COL1A2: variants seen among roughly 807,000 people sequenced by gnomAD.
COL1A2 encodes collagen type I alpha 2 chain, also known as collagen alpha-2(I) chain.
In COL1A2, 49 loss-of-function variants were observed where a neutral mutation model predicts 174.3. The observed-to-expected ratio is 0.28, with a 90% CI of 0.22 to 0.36. COL1A2 has a LOEUF of 0.36. COL1A2 is among the 10% of genes least tolerant of loss of function. The probability of loss-of-function intolerance (pLI) is 1.00; values close to 1 mark genes in which losing one functional copy is unlikely to be tolerated. For missense variants in COL1A2, 1,438 were observed against 1,822.7 expected, an observed-to-expected ratio of 0.79 and a Z score of 3.84; for synonymous variants, 655 against 606.6, an observed-to-expected ratio of 1.08 and a Z score of -1.17.
Position 94,427,443 on chromosome 7 carries a change from TG to T in COL1A2, c.3267+151del, listed in dbSNP as rs1792302348. ...ATATCTGGAAATTGTCTATATGCAA[TG>T]GGCTTGTTAAGTCCATCCCTGCAAG... On this transcript the variant is annotated intron_variant, in intron 48 of 51. Coordinates refer to ENST00000297268, the MANE Select transcript of COL1A2 (RefSeq NM_000089.4). The T allele has an allele frequency of 1.1e-5, 12 of 1,052,994 alleles. No individual in the cohort carries two copies. The South Asian group carries it at 1.5e-4, about 13-fold the overall frequency. 65.2% of individuals were successfully genotyped at this position (1,052,994 alleles called of 1,614,324 possible).
At chr7:94,425,338 T>A (rs532327618) in intron 42 of COL1A2, 114 bp downstream of exon 42, 1 of 1,036,484 alleles carries the variant, frequency 9.6e-7, no homozygotes. Context: ...ATGGTCAGCT[T>A]CTCCATAGTA....
chr7:94,409,957 A>T, intron 19 of COL1A2, 136 bp downstream of exon 19: 1 of 892,608 alleles, frequency 1.1e-6, no homozygotes, highest in East Asian at 2.6e-5. Context: ...TATATTTCTT[A>T]TATATATATG....
At chr7:94,424,118 C>A (rs1190422830) in intron 40 of COL1A2, 10 of 526,876 alleles carry the variant, frequency 1.9e-5, no homozygotes, top group Non-Finnish European at 3.4e-5. Context: ...AAATGTTGTG[C>A]CATTGGTCTC....
intron 50 of COL1A2, 88 bp downstream of exon 50, chr7:94,428,565 A>C (rs1792335407): frequency 1.1e-5 from 14 of 1,294,548 alleles, no homozygotes; most frequent in African/African-American, 1.5e-5. Flanking sequence ...ATCTCTGACA[A>C]AAATGGGCTT....
intron 46 of COL1A2, 153 bp downstream of exon 46, chr7:94,426,683 T>A: frequency 1.4e-6 from 1 of 726,860 alleles, no homozygotes; most frequent in Non-Finnish European, 2.5e-6. Flanking sequence ...TTGGAGGTAA[T>A]GCTATTTCAT....
intron 26 of COL1A2, 81 bp downstream of exon 26, chr7:94,413,217 C>G: frequency 7.4e-7 from 1 of 1,353,418 alleles, no homozygotes. Context: ...CATCTGATAT[C>G]ATTTTGTCAC....
rs998075801 is a variant in COL1A2, at chr7:94,421,895, T to C, written c.2350-4T>C. The C allele has an allele frequency of 6.2e-7, 1 of 1,614,054 alleles. No individual in the cohort carries two copies. Among genetic ancestry groups the C allele is most frequent in the African/African-American group, 1.3e-5 (1 of 75,052 alleles). ...TGTGGAATTCTAATGTGCTTGGCTC[T>C]TAGGGTATGACTGGTTTCCCTGGTG... On this transcript the variant is annotated splice_region_variant and splice_polypyrimidine_tract_variant and intron_variant, in intron 38 of 51. Coordinates refer to ENST00000297268, the MANE Select transcript of COL1A2 (RefSeq NM_000089.4).
intron 46 of COL1A2, 151 bp downstream of exon 46, chr7:94,426,681 A>G: frequency 1.4e-6 from 1 of 736,610 alleles, no homozygotes; most frequent in South Asian, 1.5e-5. Flanking sequence ...TCTTGGAGGT[A>G]ATGCTATTTC....
At chr7:94,430,177 C>A in intron 51 of COL1A2, 70 bp from the exon 52 acceptor site, 1 of 1,478,158 alleles carries the variant, frequency 6.8e-7, no homozygotes, top group South Asian at 1.1e-5. Context: ...CTTATTAAAT[C>A]AAAGGTTCAG....
intron 15 of COL1A2, 59 bp downstream of exon 15, chr7:94,408,439 T>C (rs1432478422): frequency 1.3e-6 from 2 of 1,537,026 alleles, no homozygotes; most frequent in African/African-American, 2.7e-5. Context: ...GGTGCTGTCT[T>C]CTTCATTAAT....
At chr7:94,412,177 A>C in intron 24 of COL1A2, 56 bp downstream of exon 24, 3 of 1,467,552 alleles carry the variant, frequency 2.0e-6, no homozygotes, top group Non-Finnish European at 2.8e-6. Context: ...CACCCTTATC[A>C]AGTCTATTTT....
Position 94,420,628 on chromosome 7 carries a change from G to T in COL1A2, c.2275G>T (p.Val759Phe). 1 of 1,603,504 alleles carries T rather than the reference G, an allele frequency of 6.2e-7. No individual in the cohort carries two copies. Among genetic ancestry groups the T allele is most frequent in the Non-Finnish European group, 8.5e-7 (1 of 1,174,668 alleles). Residue 759 changes from valine (V) to phenylalanine (F), a missense_variant, in exon 37 of 52, where the codon GTT becomes TTT. Physicochemically the swap from Val to Phe is conservative, Grantham distance 50 (BLOSUM62 -1). Coordinates refer to ENST00000297268, the MANE Select transcript of COL1A2 (RefSeq NM_000089.4). ...CGGTGTTGTTGGTCCCACAGGCCCC[G>T]TTGGAGCTGCTGGCCCAGCTGTAAG... ...ENGVVGPTGP[V>F]GAAGPAGPNG... is the part of the protein sequence containing the mutation.
chr7:94,419,643 T>C (rs1399644409), intron 34 of COL1A2, 92 bp downstream of exon 34: 11 of 1,378,508 alleles, frequency 8.0e-6, no homozygotes, highest in Non-Finnish European at 1.0e-5. Context: ...TTTTTATGGC[T>C]TGGTATAAAG....
intron 12 of COL1A2, 98 bp from the exon 13 acceptor site, chr7:94,407,749 A>G: frequency 9.8e-7 from 1 of 1,016,016 alleles, no homozygotes; most frequent in Non-Finnish European, 1.5e-6. Context: ...TATGAAGTAT[A>G]TGAATGGTTC....
chr7:94,411,659 T>C (rs1791927927), intron 23 of COL1A2, among the ~76,000 whole-genome samples: 1 of 152,224 alleles, frequency 6.6e-6, no homozygotes, highest in Non-Finnish European at 1.5e-5. Context: ...TTGCCTCTTA[T>C]GGGTGAATAT....
At chr7:94,422,890 T>G in intron 39 of COL1A2, 67 bp from the exon 40 acceptor site, 1 of 1,578,386 alleles carries the variant, frequency 6.3e-7, no homozygotes, top group East Asian at 2.2e-5. Flanking sequence ...ATCTAGAATC[T>G]TTGCTGCTCT....
Position 94,428,591 on chromosome 7 carries a change from G to C in COL1A2, c.3711+114G>C. ...AAATGGGCTTATTAAAAAAAGACCT[G>C]TTCCTTTCCTGGGTTCCAATTTTGT... is the stretch of plus-strand genomic sequence containing the variant. On this transcript the variant is annotated intron_variant, in intron 50 of 51. Transcript: ENST00000297268. The C allele has an allele frequency of 2.9e-6, 3 of 1,022,626 alleles. No individual in the cohort carries two copies. The South Asian group carries it at 4.1e-5, about 14-fold the overall frequency. 63.3% of individuals were successfully genotyped at this position (1,022,626 alleles called of 1,614,324 possible).
At chr7:94,421,150 G>A (rs1792152405) in intron 38 of COL1A2, 88 bp downstream of exon 38, 16 of 1,355,418 alleles carry the variant, frequency 1.2e-5, no homozygotes, top group Middle Eastern at 1.8e-4. Flanking sequence ...TGGTAAATTT[G>A]GACTACCATG....
chr7:94,415,286 T>C lies in COL1A2; in HGVS notation c.1764+16T>C, dbSNP rs1400951685. 1.2e-6 allele frequency: 2 copies of C among 1,612,624 alleles called. No homozygotes were observed. The highest frequency in any genetic ancestry group is 2.2e-5 in the South Asian group (2 of 91,052). ...TGGTCCAAGAGTAAGTGTTACTTCA[T>C]TAACTTTCATAAACTCTGGCAATGT... On this transcript the variant is annotated intron_variant, in intron 30 of 51. Transcript: ENST00000297268.
Sources: allele counts gnomAD v4.1 joint callset (sites outside exome capture counted in the v4.1 genomes callset), GRCh38; gene constraint gnomAD v4.1.1; transcripts MANE v1.5; gene names NCBI Gene and HGNC (gene_info 2026-07-23, HGNC 2026-07-21).